Variants in PADI1 observed in about 807,000 individuals in gnomAD.
The protein encoded by PADI1 is peptidyl arginine deiminase 1.
PADI1 carries 65 observed loss-of-function variants against 74.8 expected under a neutral mutation model. That is an observed-to-expected ratio of 0.87 (90% CI 0.71 to 1.07). The LOEUF is 1.07. PADI1 is among the 50% of genes least tolerant of loss of function. The pLI, the probability that PADI1 is intolerant of heterozygous loss-of-function variation, is 0.00. For missense variants in PADI1, 943 were observed against 854.0 expected (o/e 1.10, Z -1.30); for synonymous variants, 371 against 336.2 (o/e 1.10, Z -1.13).
rs531407138 is a variant in PADI1, at chr1:17,207,977, A to G, written c.92+2668A>G. 3.3e-5 allele frequency among the ~76,000 whole-genome samples: 5 copies of G among 152,350 alleles called. No individual in the cohort carries two copies. In the East Asian group the frequency reaches 9.7e-4, roughly 29 times the overall value. The stretch of plus-strand genomic sequence containing the variant: ...AATTGTCAACCTGGGAAGGTTTTTA[A>G]GAGGAGCCTGAAGCTCACTCCAGCA... On this transcript the variant is annotated intron_variant, in intron 1 of 15. Coordinates refer to ENST00000375471, the MANE Select transcript of PADI1 (RefSeq NM_013358.3).
intron 8 of PADI1, among the ~76,000 whole-genome samples, chr1:17,229,274 C>T (rs1412356246): frequency 6.6e-6 from 1 of 152,154 alleles, no homozygotes; most frequent in Non-Finnish European, 1.5e-5. Flanking sequence ...GTCACTGGCT[C>T]AAGCTCTGGC....
At chr1:17,221,044 C>A (rs1253700306) in intron 1 of PADI1, among the ~76,000 whole-genome samples, 2 of 152,158 alleles carry the variant, frequency 1.3e-5, no homozygotes, top group Non-Finnish European at 2.9e-5. Flanking sequence ...AGATGGGAGG[C>A]TTCTCAACAC....
rs1292173263 is a variant in PADI1 at position 17,239,653 on chromosome 1, G to A, written c.1553-51G>A. 17 of 1,360,324 alleles carry A rather than the reference G, an allele frequency of 1.2e-5. 1 individual carries two copies. The highest frequency in any genetic ancestry group is 1.0e-4 in the South Asian group (9 of 85,780). 84.3% of individuals were successfully genotyped at this position (1,360,324 alleles called of 1,614,324 possible). On this transcript the variant is annotated intron_variant, in intron 13 of 15. Transcript: ENST00000375471. ...GATTATGTAGCCCCAGGCTGAAGAC[G>A]GCCTCCAGGCAGTGCTCCCTGAGCT...
intron 15 of PADI1, among the ~76,000 whole-genome samples, chr1:17,242,580 G>T (rs1440553000): frequency 6.6e-6 from 1 of 152,212 alleles, no homozygotes; most frequent in Non-Finnish European, 1.5e-5. Flanking sequence ...CTGACTGTGG[G>T]TCATCCTGTG....
chr1:17,245,489 C>G lies in PADI1; in HGVS notation c.*1246C>G, dbSNP rs146503709. 1.3e-5 allele frequency: 2 copies of G among 152,446 alleles called. No individual in the cohort carries two copies. The highest frequency in any genetic ancestry group is 2.4e-5 in the African/African-American group (1 of 41,442). The allele number at this position is 152,446 out of a possible 1,614,324, so 9.4% of individuals were successfully genotyped here. On this transcript the variant is annotated 3_prime_UTR_variant, in exon 16 of 16. Transcript: ENST00000375471. The surrounding 1 kb of genome is among the most constrained non-coding windows in gnomAD (Gnocchi z 4.1). ...GGAGGAAGCCAGCCTACCCTCTTCC[C>G]CCACTGCCAGTGAGGCCATTGTAGG... is the stretch of plus-strand genomic sequence containing the variant.
chr1:17,213,666 T>C (rs539698716), intron 1 of PADI1, among the ~76,000 whole-genome samples: 2 of 152,312 alleles, frequency 1.3e-5, no homozygotes, highest in African/African-American at 2.4e-5. Flanking sequence ...AGATCATGGA[T>C]AGCAAAAGCT....
Position 17,228,740 on chromosome 1 carries a change from C to T in PADI1, c.768C>T (p.Phe256=), listed in dbSNP as rs770306358. 11 of 1,614,204 alleles carry T rather than the reference C, an allele frequency of 6.8e-6. No homozygotes were observed. Among genetic ancestry groups the T allele is most frequent in the East Asian group, 4.5e-5 (2 of 44,882 alleles). The stretch of plus-strand genomic sequence containing the variant: ...AGTTCTATGTGGAGGGGCTGACCTT[C>T]CCCGATGCCGATTTCCTAGGGCTGG... ...EIKFYVEGLT[F]PDADFLGLVS... is the part of the protein sequence containing the mutation. The change falls in exon 7 of 16, where the codon TTC becomes TTT. Residue 256 remains phenylalanine, a synonymous_variant. Coordinates refer to ENST00000375471, the MANE Select transcript of PADI1 (RefSeq NM_013358.3).
At chr1:17,220,955 G>A (rs1366159945) in intron 1 of PADI1, among the ~76,000 whole-genome samples, 2 of 152,372 alleles carry the variant, frequency 1.3e-5, no homozygotes, top group Non-Finnish European at 1.5e-5. Context: ...GCCCCAACCA[G>A]CTGTGGCTGG....
intron 1 of PADI1, among the ~76,000 whole-genome samples, chr1:17,216,069 C>T (rs113564258): frequency 0.031 from 4,790 of 152,114 alleles, 143 homozygotes; most frequent in African/African-American, 0.074. Flanking sequence ...AGGAACATTC[C>T]GGACAGACAG....
intron 1 of PADI1, among the ~76,000 whole-genome samples, chr1:17,218,459 G>A (rs569623824): frequency 3.9e-5 from 6 of 152,198 alleles, no homozygotes; most frequent in East Asian, 1.9e-4. Context: ...GAAAGGCCAC[G>A]GAGTCAGAGG....
intron 1 of PADI1, among the ~76,000 whole-genome samples, chr1:17,209,434 C>G (rs1301106716): frequency 6.6e-6 from 1 of 152,208 alleles, no homozygotes; most frequent in Non-Finnish European, 1.5e-5. Flanking sequence ...AAACTGGACT[C>G]AGAATGGAAG....
At chr1:17,219,309 T>TAGA (rs1268082650) in intron 1 of PADI1, among the ~76,000 whole-genome samples, 18 of 151,512 alleles carry the variant, frequency 1.2e-4, no homozygotes, top group African/African-American at 2.9e-4. Flanking sequence ...GGGACAGCAG[T>TAGA]GGGGGGCGAG....
intron 1 of PADI1, among the ~76,000 whole-genome samples, chr1:17,205,692 C>A (rs1557443098): frequency 6.6e-6 from 1 of 152,154 alleles, no homozygotes; most frequent in Non-Finnish European, 1.5e-5. Context: ...CCCTCAATTT[C>A]TTGCCAAGCC....
intron 14 of PADI1, 76 bp from the exon 15 acceptor site, chr1:17,240,559 G>T: frequency 3.2e-6 from 5 of 1,544,916 alleles, no homozygotes; most frequent in Non-Finnish European, 4.4e-6. Flanking sequence ...CTCCACACGG[G>T]CCCAGCGCAC....
chr1:17,237,680 A>G (rs2072678967), intron 12 of PADI1, among the ~76,000 whole-genome samples: 1 of 152,230 alleles, frequency 6.6e-6, no homozygotes, highest in Non-Finnish European at 1.5e-5. Context: ...AATGATATTG[A>G]TAATAATTGG....
intron 1 of PADI1, among the ~76,000 whole-genome samples, chr1:17,221,891 C>T (rs1438164294): frequency 2.0e-5 from 3 of 152,214 alleles, no homozygotes; most frequent in African/African-American, 7.2e-5. Context: ...ACACGCTCTG[C>T]TGTGTGCAAA....
intron 14 of PADI1, 185 bp from the exon 15 acceptor site, chr1:17,240,450 C>G (rs967443105): frequency 3.4e-6 from 2 of 587,492 alleles, no homozygotes; most frequent in African/African-American, 3.8e-5. Context: ...GCCTTGTGCA[C>G]TTGAGCAGGT....
rs529715625 is a variant in PADI1, at chr1:17,236,402, A to C, written c.1314-912A>C. Among the ~76,000 whole-genome samples, 3 of 152,330 alleles carry C rather than the reference A, an allele frequency of 2.0e-5. No homozygotes were observed. In the South Asian group the frequency reaches 6.2e-4, roughly 32 times the overall value. ...GTAAAGCATGTGTGTGGCACATGTC[A>C]ATAAATGTTTGTCTCAGCTTTGCTG... On this transcript the variant is annotated intron_variant, in intron 11 of 15. Transcript: ENST00000375471.
intron 9 of PADI1, 76 bp from the exon 10 acceptor site, chr1:17,230,496 G>A (rs566457501): frequency 3.9e-6 from 4 of 1,030,110 alleles, no homozygotes; most frequent in Non-Finnish European, 5.7e-6. Flanking sequence ...CCCTGCCCCA[G>A]GCCTGGTGGG....
Sources: gnomAD v4.1 joint callset for allele counts (sites outside exome capture counted in the v4.1 genomes callset) on GRCh38, gnomAD v4.1.1 for gene constraint, Gnocchi (gnomAD v3.1) non-coding constraint, MANE v1.5 for transcripts, NCBI Gene and HGNC (gene_info 2026-07-23, HGNC 2026-07-21) for gene names.